EBF3: variants seen among roughly 807,000 people sequenced by gnomAD.
EBF3 encodes the protein transcription factor COE3.
In EBF3, 18 loss-of-function variants were observed where a neutral mutation model predicts 77.1. The ratio of observed to expected loss-of-function variants is 0.23; its 90% CI spans 0.16 to 0.35. The LOEUF (loss-of-function observed/expected upper bound fraction) is 0.35, where lower values mean the gene tolerates loss of function less well. EBF3 is among the 10% of genes least tolerant of loss of function. EBF3 has a pLI of 1.00. For synonymous variants in EBF3, 350 were observed against 343.5 expected (o/e 1.02, Z -0.21); for missense variants, 558 against 860.0 (o/e 0.65, Z 4.39).
At chr10:129,857,324 G>A (rs1312729071) in intron 10 of EBF3, among the ~76,000 whole-genome samples, 1 of 152,086 alleles carries the variant, frequency 6.6e-6, no homozygotes, top group Non-Finnish European at 1.5e-5. Context: ...GGTGTACTGG[G>A]ACCAGAAGGC....
rs957477068 is a variant in EBF3, at chr10:129,870,130, T to C, written c.782-2218A>G. On this transcript the variant is annotated intron_variant, in intron 8 of 16. Coordinates refer to ENST00000440978, the MANE Select transcript of EBF3 (RefSeq NM_001375380.1). The surrounding 1 kb of genome is among the most constrained non-coding windows in gnomAD (Gnocchi z 4.4). ...GAAAGCCACATCATCTCGGAATTTG[T>C]AGTGCTTCTCAGCGGAAAGAAAACA... Among the ~76,000 whole-genome samples the C allele has an allele frequency of 3.3e-5, 5 of 152,104 alleles. No homozygotes were observed. Among genetic ancestry groups the C allele is most frequent in the Non-Finnish European group, 5.9e-5 (4 of 68,030 alleles).
chr10:129,892,499 C>T (rs1190329851), intron 6 of EBF3, among the ~76,000 whole-genome samples: 5 of 152,118 alleles, frequency 3.3e-5, no homozygotes, highest in Non-Finnish European at 7.4e-5. Flanking sequence ...GGGTCCAGAC[C>T]GGGAATGAGG....
intron 6 of EBF3, among the ~76,000 whole-genome samples, chr10:129,911,407 G>C (rs1855515539): frequency 6.6e-6 from 1 of 152,124 alleles, no homozygotes; most frequent in Admixed American, 6.5e-5. Flanking sequence ...CCCTGTCCTG[G>C]CTCCTCTCTC....
intron 11 of EBF3, chr10:129,845,602 A>C (rs1003896127): frequency 6.6e-6 from 1 of 152,220 alleles, no homozygotes; most frequent in Non-Finnish European, 1.5e-5. Context: ...ACTGTAAAGC[A>C]ATTATTCTGT....
rs905390552 is a variant in EBF3, at chr10:129,897,570, C to T, written c.555-19721G>A. Among the ~76,000 whole-genome samples the T allele has an allele frequency of 3.9e-5, 6 of 152,070 alleles. No individual in the cohort carries two copies. The highest frequency in any genetic ancestry group is 1.4e-4 in the African/African-American group (6 of 41,400). The stretch of plus-strand genomic sequence containing the variant: ...ATACAGAGGAAACCCAGCACACGAC[C>T]CTTTTATCCGAGAGGCGAAGCCCGG... On this transcript the variant is annotated intron_variant, in intron 6 of 16. Coordinates refer to ENST00000440978, the MANE Select transcript of EBF3 (RefSeq NM_001375380.1). This position sits in a 1 kb window ranked among gnomAD's most constrained non-coding sequence, Gnocchi z 4.6.
chr10:129,924,656 A>T (rs1310107026), intron 6 of EBF3, among the ~76,000 whole-genome samples: 2 of 152,022 alleles, frequency 1.3e-5, no homozygotes, highest in Non-Finnish European at 2.9e-5. Context: ...GGTTTTAAAG[A>T]GGTATCTGTG....
chr10:129,886,033 ATTTTTTT>A lies in EBF3; in HGVS notation c.555-8191_555-8185del, dbSNP rs59542647. 4.4e-4 allele frequency among the ~76,000 whole-genome samples: 56 copies of A among 126,288 alleles called. 2 individuals are homozygous for A. In the South Asian group the frequency reaches 8.8e-3, roughly 20 times the overall value. The allele number at this position is 126,288 out of a possible 152,430, so 82.8% of individuals were successfully genotyped here. ...TGAGGGGGTGTTGTTTTTGGTTTTA[ATTTTTTT>A]TTTTTTTTTTTTTTTTTTTTTGCTT... On this transcript the variant is annotated intron_variant, in intron 6 of 16. Transcript: ENST00000440978.
intron 6 of EBF3, among the ~76,000 whole-genome samples, chr10:129,930,218 C>T (rs1261537830): frequency 5.3e-5 from 8 of 152,180 alleles, no homozygotes; most frequent in Admixed American, 2.6e-4. Context: ...TGGCCTGAGC[C>T]GTGATACCAG....
At chr10:129,904,834 G>A (rs1855028975) in intron 6 of EBF3, among the ~76,000 whole-genome samples, 1 of 152,182 alleles carries the variant, frequency 6.6e-6, no homozygotes, top group Admixed American at 6.5e-5. Flanking sequence ...ATAAATGAAT[G>A]GATAATTAGT....
intron 10 of EBF3, among the ~76,000 whole-genome samples, chr10:129,853,530 T>C (rs904372192): frequency 1.3e-5 from 2 of 152,166 alleles, no homozygotes; most frequent in Non-Finnish European, 2.9e-5. Flanking sequence ...GCAACATAAC[T>C]ACATAATAAG....
intron 4 of EBF3, 21 bp from the exon 5 acceptor site, chr10:129,959,028 G>T: frequency 6.3e-7 from 1 of 1,596,708 alleles, no homozygotes; most frequent in Non-Finnish European, 8.5e-7. Context: ...GACAAGCAGA[G>T]GCTGGGGTTA....
intron 6 of EBF3, among the ~76,000 whole-genome samples, chr10:129,918,025 T>C (rs1856012526): frequency 6.6e-6 from 1 of 152,196 alleles, no homozygotes; most frequent in Admixed American, 6.5e-5. Flanking sequence ...CTCTGCTTTG[T>C]AGATGAGGAA....
chr10:129,931,149 A>G (rs1334112939), intron 6 of EBF3, among the ~76,000 whole-genome samples: 1 of 152,150 alleles, frequency 6.6e-6, no homozygotes, highest in Admixed American at 6.5e-5. Context: ...ATCTATCTCT[A>G]TATCTCCTAT....
At chr10:129,847,136 G>A (rs965606030) in intron 11 of EBF3, among the ~76,000 whole-genome samples, 6 of 152,116 alleles carry the variant, frequency 3.9e-5, no homozygotes, top group African/African-American at 1.4e-4. Flanking sequence ...TGAGGGGAGT[G>A]GGAAGGTGAC....
At chr10:129,851,793 C>G (rs970076646) in intron 10 of EBF3, among the ~76,000 whole-genome samples, 1 of 152,180 alleles carries the variant, frequency 6.6e-6, no homozygotes, top group Non-Finnish European at 1.5e-5. Flanking sequence ...AAACAAATCT[C>G]CCCTGTGAAA....
intron 5 of EBF3, among the ~76,000 whole-genome samples, chr10:129,958,168 T>C (rs970476565): frequency 6.6e-6 from 1 of 152,258 alleles, no homozygotes; most frequent in African/African-American, 2.4e-5. Flanking sequence ...ATATTAGTGC[T>C]GTAACAATAT....
chr10:129,964,047 G>C lies in EBF3; in HGVS notation c.-279C>G. On this transcript the variant is annotated 5_prime_UTR_variant, in exon 1 of 17. Coordinates refer to ENST00000440978, the MANE Select transcript of EBF3 (RefSeq NM_001375380.1). This position sits in a 1 kb window ranked among gnomAD's most constrained non-coding sequence, Gnocchi z 4.5. ...CGCGGCGGCGCTTGTTGTTGTTGTT[G>C]TTTGCAGGCGCGCTCAACGTGGTGT... 1.0e-6 allele frequency: 1 copy of C among 985,238 alleles called. No individual in the cohort carries two copies. Among genetic ancestry groups the C allele is most frequent in the Non-Finnish European group, 1.2e-6 (1 of 829,864 alleles). The allele number at this position is 985,238 out of a possible 1,614,324, so 61.0% of individuals were successfully genotyped here. A position where few individuals can be genotyped will look rare whatever the true frequency, so the allele number is the denominator to read the frequency against.
chr10:129,874,189 G>A (rs529978403), intron 7 of EBF3, among the ~76,000 whole-genome samples: 1 of 152,288 alleles, frequency 6.6e-6, no homozygotes, highest in East Asian at 1.9e-4. Flanking sequence ...TAGTGGGAGT[G>A]TTTTCAATCC....
chr10:129,840,725 AG>A, intron 14 of EBF3, 118 bp downstream of exon 14: 1 of 1,414,864 alleles, frequency 7.1e-7, no homozygotes, highest in Non-Finnish European at 9.5e-7. Context: ...CCCAGCCTCC[AG>A]GGCCACCCTT....
Sources: gnomAD v4.1 joint callset for allele counts (sites outside exome capture counted in the v4.1 genomes callset) on GRCh38, gnomAD v4.1.1 for gene constraint, Gnocchi (gnomAD v3.1) non-coding constraint, MANE v1.5 for transcripts, NCBI Gene and HGNC (gene_info 2026-07-23, HGNC 2026-07-21) for gene names.